Variants in NTRK2 observed in about 807,000 individuals in gnomAD.
NTRK2 encodes neurotrophic receptor tyrosine kinase 2.
NTRK2 carries 13 observed loss-of-function variants against 94.5 expected under a neutral mutation model. That is an observed-to-expected ratio of 0.14 (90% confidence interval 0.09 to 0.22). The LOEUF (loss-of-function observed/expected upper bound fraction) is 0.22. NTRK2 is among the 10% of genes least tolerant of loss of function. NTRK2 has a pLI of 1.00. For synonymous variants in NTRK2, 372 were observed against 407.4 expected, an observed-to-expected ratio of 0.91 and a Z score of 1.05; for missense variants, 639 against 1,071.2, an observed-to-expected ratio of 0.60 and a Z score of 5.63.
At chr9:84,742,140 C>G (rs2063696788) in intron 10 of NTRK2, among the ~76,000 whole-genome samples, 1 of 152,098 alleles carries the variant, frequency 6.6e-6, no homozygotes, top group African/African-American at 2.4e-5. Context: ...TCTCTCATAC[C>G]CTGTTCTTGG....
chr9:84,823,024 G>A (rs564280222), intron 12 of NTRK2, among the ~76,000 whole-genome samples: 2 of 152,052 alleles, frequency 1.3e-5, no homozygotes, highest in Admixed American at 6.5e-5. Flanking sequence ...GAGTGCTTTC[G>A]GAAACTCCAC....
intron 4 of NTRK2, 117 bp downstream of exon 4, chr9:84,702,536 G>A: frequency 5.7e-6 from 5 of 874,218 alleles, no homozygotes; most frequent in Non-Finnish European, 9.7e-6. Flanking sequence ...TAGTATAGCT[G>A]TGATAATAGC....
intron 14 of NTRK2, among the ~76,000 whole-genome samples, chr9:84,912,901 C>A (rs530980028): frequency 9.1e-4 from 139 of 152,260 alleles, no homozygotes; most frequent in Non-Finnish European, 1.5e-3. Context: ...CAGGCGTGAG[C>A]CACTGCACCC....
chr9:84,726,009 G>A (rs2062425845), intron 8 of NTRK2, among the ~76,000 whole-genome samples: 1 of 152,104 alleles, frequency 6.6e-6, no homozygotes, highest in Non-Finnish European at 1.5e-5. Context: ...AGGTAGTACT[G>A]TGGGAGGATT....
chr9:85,010,668 G>A (rs1036717049), intron 17 of NTRK2, among the ~76,000 whole-genome samples: 1 of 152,168 alleles, frequency 6.6e-6, no homozygotes, highest in Non-Finnish European at 1.5e-5. Context: ...CTGTCAGCAG[G>A]AGGGGAAGAA....
chr9:84,942,598 G>C (rs1442950305), intron 15 of NTRK2, among the ~76,000 whole-genome samples: 2 of 152,090 alleles, frequency 1.3e-5, no homozygotes, highest in East Asian at 3.9e-4. Context: ...TTGTAATTTT[G>C]AACTTCTTAG....
rs959752240 is a variant in NTRK2, at chr9:84,934,021, A to G, written c.1634-141A>G. 49 of 841,284 alleles carry G rather than the reference A, an allele frequency of 5.8e-5. No individual in the cohort carries two copies. In the African/African-American group the frequency reaches 8.0e-4, roughly 14 times the overall value. The allele number at this position is 841,284 out of a possible 1,614,324, so 52.1% of individuals were successfully genotyped here. On this transcript the variant is annotated intron_variant, in intron 14 of 18. Transcript: ENST00000277120. ...CATTTGGGGTGGACTGTGAAGATGG[A>G]CACCCAGCTTCTTCGGTTCACTGTG... is the stretch of plus-strand genomic sequence containing the variant.
intron 12 of NTRK2, among the ~76,000 whole-genome samples, chr9:84,842,378 G>A (rs1257621542): frequency 2.0e-5 from 3 of 152,130 alleles, no homozygotes; most frequent in African/African-American, 7.2e-5. Context: ...CGTTTTTAAG[G>A]CACTATGTGA....
chr9:84,718,592 T>A (rs914867125), intron 6 of NTRK2, among the ~76,000 whole-genome samples: 1 of 152,136 alleles, frequency 6.6e-6, no homozygotes, highest in Admixed American at 6.6e-5. Context: ...GAGAAGCTGG[T>A]CATCTCCGAT....
chr9:84,912,898 G>A (rs1233202689), intron 14 of NTRK2, among the ~76,000 whole-genome samples: 1 of 152,168 alleles, frequency 6.6e-6, no homozygotes, highest in Non-Finnish European at 1.5e-5. Flanking sequence ...TTACAGGCGT[G>A]AGCCACTGCA....
chr9:84,695,963 T>C (rs2060351459), intron 2 of NTRK2, among the ~76,000 whole-genome samples: 1 of 152,192 alleles, frequency 6.6e-6, no homozygotes. Flanking sequence ...CTTACATTCC[T>C]CACATGTTGG....
intron 14 of NTRK2, among the ~76,000 whole-genome samples, chr9:84,894,732 A>G (rs1380995203): frequency 2.0e-5 from 3 of 152,248 alleles, no homozygotes; most frequent in Non-Finnish European, 4.4e-5. Flanking sequence ...ATAAATTGCC[A>G]TATGCATCTC....
chr9:84,743,598 G>A (rs1485207114), intron 10 of NTRK2, among the ~76,000 whole-genome samples: 6 of 152,172 alleles, frequency 3.9e-5, no homozygotes, highest in African/African-American at 7.2e-5. Context: ...AGAGAAATAC[G>A]TTTGAATTGT....
intron 15 of NTRK2, among the ~76,000 whole-genome samples, chr9:84,936,872 T>A (rs1030094720): frequency 6.6e-6 from 1 of 152,038 alleles, no homozygotes; most frequent in Non-Finnish European, 1.5e-5. Flanking sequence ...TTTTTTTTTT[T>A]AAATGAGAGG....
At chr9:84,853,758 C>G (rs1489211351) in intron 12 of NTRK2, among the ~76,000 whole-genome samples, 1 of 152,184 alleles carries the variant, frequency 6.6e-6, no homozygotes, top group African/African-American at 2.4e-5. Flanking sequence ...ACTGCAGAGT[C>G]TTGCTGCAAC....
chr9:84,798,193 G>A (rs545957539), intron 12 of NTRK2, among the ~76,000 whole-genome samples: 2 of 151,776 alleles, frequency 1.3e-5, no homozygotes, highest in African/African-American at 2.4e-5. Context: ...TGGAAGGAGC[G>A]CATGAGCTCC....
intron 14 of NTRK2, among the ~76,000 whole-genome samples, chr9:84,870,142 T>C (rs7868070): frequency 0.049 from 6,486 of 133,428 alleles, 213 homozygotes; most frequent in African/African-American, 0.094. Flanking sequence ...CACACACACA[T>C]ATATATACAC....
chr9:84,849,971 T>C (rs1441138034), intron 12 of NTRK2, among the ~76,000 whole-genome samples: 3 of 152,168 alleles, frequency 2.0e-5, no homozygotes, highest in Non-Finnish European at 4.4e-5. Flanking sequence ...GACACTTTTC[T>C]TTTTCCCACA....
At chr9:84,710,585 T>C in intron 5 of NTRK2, 52 bp from the exon 6 acceptor site, 1 of 1,591,644 alleles carries the variant, frequency 6.3e-7, no homozygotes, top group Non-Finnish European at 8.6e-7. Flanking sequence ...AGCACTAATG[T>C]AGCTAAAATG....
Sources: allele counts gnomAD v4.1 joint callset (sites outside exome capture counted in the v4.1 genomes callset), GRCh38; gene constraint gnomAD v4.1.1; transcripts MANE v1.5; gene names NCBI Gene and HGNC (gene_info 2026-07-23, HGNC 2026-07-21).